Variants in NBAS observed in about 807,000 individuals in gnomAD.
The protein encoded by NBAS is NBAS subunit of NRZ tethering complex.
A neutral mutation model predicts 302.5 loss-of-function variants in NBAS; 219 were observed. That is an observed-to-expected ratio of 0.72 (90% CI 0.65 to 0.81). NBAS has a LOEUF of 0.81. Ranked by LOEUF, NBAS falls within the 30% of genes least tolerant of loss-of-function variation. The pLI is 0.00. For synonymous variants in NBAS, 1,118 were observed against 1,021.6 expected (o/e 1.09, Z -1.80); for missense variants, 2,932 against 2,841.6 (o/e 1.03, Z -0.72).
intron 51 of NBAS, among the ~76,000 whole-genome samples, chr2:15,173,458 G>A (rs1456954958): frequency 2.0e-5 from 3 of 152,028 alleles, no homozygotes; most frequent in Non-Finnish European, 1.5e-5. Context: ...AAACATATTT[G>A]TCTTGTTCTC....
intron 44 of NBAS, among the ~76,000 whole-genome samples, chr2:15,240,188 G>A (rs1319381878): frequency 6.6e-6 from 1 of 152,026 alleles, no homozygotes; most frequent in African/African-American, 2.4e-5. Flanking sequence ...AGCAGTCATT[G>A]TACATGTCTG....
chr2:14,900,445 T>C, the NBAS span, among the ~76,000 whole-genome samples: 1,700 of 152,364 alleles, frequency 0.011, 20 homozygotes, highest in Non-Finnish European at 0.016. Context: ...CAGGTATTCC[T>C]TTCATCTGCT....
In NBAS at chr2:15,279,385, A is replaced by G. The variant is rs964307941; in HGVS notation, c.5139-2284T>C. On this transcript the variant is annotated intron_variant, in intron 42 of 51. Transcript: ENST00000281513. ...CACAAAGCAACCATCAAGGTCAAGC[A>G]CCCATATCAACAACCACTTCAAAAC... 4.6e-5 allele frequency among the ~76,000 whole-genome samples: 7 copies of G among 152,224 alleles called. No individual in the cohort carries two copies. The East Asian group carries it at 1.4e-3, about 29-fold the overall frequency.
intron 48 of NBAS, among the ~76,000 whole-genome samples, chr2:15,200,415 T>A (rs1362315201): frequency 6.8e-6 from 1 of 147,182 alleles, no homozygotes; most frequent in East Asian, 1.9e-4. Flanking sequence ...AAATAAACTA[T>A]TTTTTTTTAC....
At chr2:15,248,451 T>A (rs182342025) in intron 44 of NBAS, among the ~76,000 whole-genome samples, 1 of 152,054 alleles carries the variant, frequency 6.6e-6, no homozygotes, top group East Asian at 1.9e-4. Flanking sequence ...GAAATAACTA[T>A]AACTAAGATC....
At chr2:15,343,229 T>C (rs893316065) in intron 35 of NBAS, among the ~76,000 whole-genome samples, 6 of 152,170 alleles carry the variant, frequency 3.9e-5, no homozygotes, top group South Asian at 4.1e-4. Flanking sequence ...GCTCCATGTA[T>C]GCATTCTCAT....
rs565551260 is a variant in NBAS at position 15,540,971 on chromosome 2, G to A, written c.380-1615C>T. Among the ~76,000 whole-genome samples the A allele has an allele frequency of 8.4e-4, 128 of 152,010 alleles. No individual in the cohort carries two copies. In the Middle Eastern group the frequency reaches 0.01, roughly 12 times the overall value. On this transcript the variant is annotated intron_variant, in intron 6 of 51. Transcript: ENST00000281513. Reference sequence around the variant, plus strand: ...ACTCCTGACCTCAAGTAATCCGCCCGCCTCAGCCTCCCAAAGTGCTGGAAT... The same window carrying A: ...ACTCCTGACCTCAAGTAATCCGCCCACCTCAGCCTCCCAAAGTGCTGGAAT...
intron 40 of NBAS, among the ~76,000 whole-genome samples, chr2:15,299,503 T>C (rs1670699500): frequency 6.6e-6 from 1 of 152,204 alleles, no homozygotes; most frequent in Non-Finnish European, 1.5e-5. Flanking sequence ...GTTTCCCCTT[T>C]AGGGTTGTTA....
At chr2:14,981,283 C>T in the NBAS span, among the ~76,000 whole-genome samples, 2,811 of 152,236 alleles carry the variant, frequency 0.018, 53 homozygotes, top group South Asian at 0.064. Flanking sequence ...ATTCAAAGAA[C>T]AAGAATCAAA....
At chr2:14,845,286 C>T in the NBAS span, among the ~76,000 whole-genome samples, 1 of 152,192 alleles carries the variant, frequency 6.6e-6, no homozygotes, top group Non-Finnish European at 1.5e-5. Flanking sequence ...AATTCTTCTG[C>T]ATCTTATCCA....
intron 32 of NBAS, among the ~76,000 whole-genome samples, chr2:15,361,815 C>T (rs2148328359): frequency 1.3e-5 from 2 of 151,710 alleles, no homozygotes; most frequent in East Asian, 3.9e-4. Context: ...CCCATCTCTA[C>T]TAAAAATACA....
At chr2:15,364,301 G>A (rs1306759170) in intron 32 of NBAS, among the ~76,000 whole-genome samples, 2 of 152,192 alleles carry the variant, frequency 1.3e-5, no homozygotes, top group African/African-American at 2.4e-5. Context: ...GGAGGCCGAG[G>A]CAGGTGGATC....
the NBAS span, among the ~76,000 whole-genome samples, chr2:14,823,242 C>T: frequency 6.6e-6 from 1 of 152,170 alleles, no homozygotes; most frequent in Admixed American, 6.5e-5. Context: ...TGTAAGTGTT[C>T]AAATTGCTTG....
chr2:15,545,790 C>G (rs1664078665), intron 6 of NBAS, among the ~76,000 whole-genome samples: 1 of 152,210 alleles, frequency 6.6e-6, no homozygotes, highest in Non-Finnish European at 1.5e-5. Flanking sequence ...CAACCCTTTT[C>G]AAACCAGCAC....
At chr2:15,325,264 T>C (rs948309801) in intron 38 of NBAS, among the ~76,000 whole-genome samples, 2 of 152,200 alleles carry the variant, frequency 1.3e-5, no homozygotes, top group Non-Finnish European at 2.9e-5. Flanking sequence ...ACACAAATTA[T>C]TCGGTTTCTC....
the NBAS span, among the ~76,000 whole-genome samples, chr2:14,899,033 G>A: frequency 6.6e-6 from 1 of 152,166 alleles, no homozygotes; most frequent in African/African-American, 2.4e-5. Context: ...CTGGAAACTA[G>A]GGTGGCCAGG....
At chr2:15,002,495 T>C in the NBAS span, among the ~76,000 whole-genome samples, 1 of 152,180 alleles carries the variant, frequency 6.6e-6, no homozygotes, top group Non-Finnish European at 1.5e-5. Flanking sequence ...GCACCGGGAC[T>C]GCAGGTGGAG....
the NBAS span, among the ~76,000 whole-genome samples, chr2:14,900,272 G>A: frequency 6.6e-6 from 1 of 151,990 alleles, no homozygotes; most frequent in South Asian, 2.1e-4. Flanking sequence ...AGTGCAAGAT[G>A]CATAAGCATG....
chr2:15,180,399 T>A (rs773934608), intron 50 of NBAS: 1 of 152,224 alleles, frequency 6.6e-6, no homozygotes, highest in Non-Finnish European at 1.5e-5. Flanking sequence ...TTCAAAAAAG[T>A]ACGGTGTATG....
Sources: allele counts gnomAD v4.1 joint callset (sites outside exome capture counted in the v4.1 genomes callset), GRCh38; gene constraint gnomAD v4.1.1; transcripts MANE v1.5; gene names NCBI Gene and HGNC (gene_info 2026-07-23, HGNC 2026-07-21).